The following AKT3 variants were observed in gnomAD, a reference collection of about 807,000 sequenced individuals.
AKT3 encodes AKT serine/threonine kinase 3.
AKT3 carries 15 observed loss-of-function variants against 65.3 expected under a neutral mutation model. The observed-to-expected ratio is 0.23, with a 90% CI of 0.15 to 0.35. The LOEUF is 0.35. AKT3 is among the 10% of genes least tolerant of loss of function. The pLI, the probability that AKT3 is intolerant of heterozygous loss-of-function variation, is 1.00. For missense variants in AKT3, 243 were observed against 576.5 expected (o/e 0.42, Z 5.92); for synonymous variants, 206 against 183.8 (o/e 1.12, Z -0.98).
chr1:243,751,725 T>C (rs1404269088), intron 2 of AKT3, among the ~76,000 whole-genome samples: 1 of 152,010 alleles, frequency 6.6e-6, no homozygotes, highest in Admixed American at 6.6e-5. Context: ...TCCTGAGACA[T>C]GCATGGAAGA....
In AKT3 at chr1:243,655,430, G is replaced by T. The variant is rs375521160; in HGVS notation, c.284+9342C>A. On this transcript the variant is annotated intron_variant, in intron 4 of 13. Transcript: ENST00000673466. Reference sequence around the variant, plus strand: ...TAGTTCTTTTATCTAGAGTTCCTATGAATATGATTCTATTGTCTGTTTTTT... The same window carrying T: ...TAGTTCTTTTATCTAGAGTTCCTATTAATATGATTCTATTGTCTGTTTTTT... 2.6e-5 allele frequency among the ~76,000 whole-genome samples: 4 copies of T among 151,826 alleles called. No individual in the cohort carries two copies. The East Asian group carries it at 5.8e-4, about 22-fold the overall frequency.
chr1:243,767,310 G>T (rs1267973380), intron 2 of AKT3, among the ~76,000 whole-genome samples: 1 of 152,092 alleles, frequency 6.6e-6, no homozygotes, highest in East Asian at 1.9e-4. Flanking sequence ...ACACCCAGAA[G>T]GCATAACAGA....
At chr1:243,586,854 A>G (rs1223455783) in intron 8 of AKT3, among the ~76,000 whole-genome samples, 1 of 152,140 alleles carries the variant, frequency 6.6e-6, no homozygotes, top group East Asian at 1.9e-4. Context: ...AACCTGCACA[A>G]GTACCTTCTT....
chr1:243,700,504 C>CTTTTTTTTTTTTTTTT (rs1189965883), intron 2 of AKT3, among the ~76,000 whole-genome samples: 2 of 120,156 alleles, frequency 1.7e-5, no homozygotes, highest in African/African-American at 5.4e-5. Context: ...CAGGCTTAGT[C>CTTTTTTTTTTTTTTTT]TATTTTTTTT....
At chr1:243,532,525 A>G (rs956612570) in intron 12 of AKT3, among the ~76,000 whole-genome samples, 6 of 152,204 alleles carry the variant, frequency 3.9e-5, no homozygotes, top group Admixed American at 3.9e-4. Context: ...TAAGGTGTAC[A>G]ATCCTTTAAT....
chr1:243,843,073 C>G (rs1695344796), intron 2 of AKT3, 52 bp downstream of exon 2: 2 of 1,580,604 alleles, frequency 1.3e-6, no homozygotes, highest in South Asian at 2.3e-5. Flanking sequence ...AGACACCACT[C>G]ACTGCTAGCA....
At chr1:243,513,778 T>C (rs1670172270) in intron 12 of AKT3, among the ~76,000 whole-genome samples, 1 of 152,194 alleles carries the variant, frequency 6.6e-6, no homozygotes, top group Non-Finnish European at 1.5e-5. Context: ...TAATGGCGAC[T>C]AATCCCTAAA....
At chr1:243,672,351 A>C (rs1158752460) in intron 3 of AKT3, among the ~76,000 whole-genome samples, 2 of 152,202 alleles carry the variant, frequency 1.3e-5, no homozygotes, top group South Asian at 4.1e-4. Flanking sequence ...AAAAAGTTCA[A>C]TTACTAATAA....
At chr1:243,538,933 G>A (rs1672107757) in intron 12 of AKT3, among the ~76,000 whole-genome samples, 1 of 151,726 alleles carries the variant, frequency 6.6e-6, no homozygotes, top group Admixed American at 6.6e-5. Context: ...CAAAACACAT[G>A]AGGCAAAACC....
intron 2 of AKT3, among the ~76,000 whole-genome samples, chr1:243,764,742 T>C (rs1689709930): frequency 6.6e-6 from 1 of 152,112 alleles, no homozygotes; most frequent in Non-Finnish European, 1.5e-5. Context: ...GCCCCATAAC[T>C]ACCATATGTT....
At chr1:243,592,013 A>G (rs1250146301) in intron 8 of AKT3, among the ~76,000 whole-genome samples, 1 of 152,188 alleles carries the variant, frequency 6.6e-6, no homozygotes, top group African/African-American at 2.4e-5. Flanking sequence ...AATGAAAACT[A>G]TATGCTTATA....
chr1:243,579,350 T>C (rs909782293), intron 8 of AKT3, among the ~76,000 whole-genome samples: 9 of 151,910 alleles, frequency 5.9e-5, no homozygotes, highest in Non-Finnish European at 1.2e-4. Context: ...AAAAGATAAG[T>C]GAAGGCAGAA....
intron 2 of AKT3, among the ~76,000 whole-genome samples, chr1:243,812,577 G>A (rs746339314): frequency 2.0e-5 from 3 of 152,328 alleles, no homozygotes; most frequent in Middle Eastern, 3.4e-3. Context: ...TGGTGGCACT[G>A]TAAACTGGTT....
Position 243,501,894 on chromosome 1 carries a change from C to T in AKT3, c.*3355G>A, listed in dbSNP as rs773400350. 1 of 232,558 alleles carries T rather than the reference C, an allele frequency of 4.3e-6. No homozygotes were observed. Among genetic ancestry groups the T allele is most frequent in the Non-Finnish European group, 8.5e-6 (1 of 117,770 alleles). The allele number at this position is 232,558 out of a possible 1,614,324, so 14.4% of individuals were successfully genotyped here. ...CAGTTTCTCCTAGTTATTCCACATC[C>T]TTGTGGGTCATATACTTCAGGAAAT... On this transcript the variant is annotated 3_prime_UTR_variant, in exon 14 of 14. Coordinates refer to ENST00000673466, the MANE Select transcript of AKT3 (RefSeq NM_005465.7).
intron 12 of AKT3, among the ~76,000 whole-genome samples, chr1:243,531,588 GTGTT>G (rs1324156517): frequency 1.3e-5 from 2 of 151,860 alleles, no homozygotes; most frequent in Non-Finnish European, 2.9e-5. Context: ...TTGTTTTTCT[GTGTT>G]TGTTTTTTGA....
chr1:243,691,387 C>T (rs1478818614), intron 3 of AKT3, among the ~76,000 whole-genome samples: 2 of 152,144 alleles, frequency 1.3e-5, no homozygotes, highest in East Asian at 3.8e-4. Flanking sequence ...AGGGCTTTCA[C>T]AGGGGAATGG....
At chr1:243,691,514 G>C (rs1262857066) in intron 3 of AKT3, among the ~76,000 whole-genome samples, 5 of 152,138 alleles carry the variant, frequency 3.3e-5, no homozygotes, top group African/African-American at 7.2e-5. Flanking sequence ...ATATGATGAG[G>C]CCTCATTCTG....
intron 6 of AKT3, among the ~76,000 whole-genome samples, chr1:243,616,770 C>A (rs1255500874): frequency 3.3e-5 from 5 of 152,124 alleles, no homozygotes; most frequent in Non-Finnish European, 5.9e-5. Flanking sequence ...AAGCTAAGAT[C>A]CCACAACCAT....
intron 2 of AKT3, among the ~76,000 whole-genome samples, chr1:243,819,259 G>A (rs1346630143): frequency 6.6e-6 from 1 of 152,252 alleles, no homozygotes; most frequent in Non-Finnish European, 1.5e-5. Flanking sequence ...GAGCTCCGGA[G>A]GGGCAGCAGC....
Sources: gnomAD v4.1 joint callset for allele counts (sites outside exome capture counted in the v4.1 genomes callset) on GRCh38, gnomAD v4.1.1 for gene constraint, MANE v1.5 for transcripts, NCBI Gene and HGNC (gene_info 2026-07-23, HGNC 2026-07-21) for gene names.